ITPR2: variants seen among roughly 807,000 people sequenced by gnomAD.
ITPR2 encodes the protein inositol 1,4,5-trisphosphate-gated calcium channel ITPR2.
A neutral mutation model predicts 317.1 loss-of-function variants in ITPR2; 207 were observed. The observed-to-expected ratio is 0.65, with a 90% CI of 0.58 to 0.73. The LOEUF (loss-of-function observed/expected upper bound fraction) is 0.73, where lower values mean the gene tolerates loss of function less well. Among genes scored for constraint, ITPR2 ranks in the 30% least tolerant of loss-of-function variants. The pLI is 0.00. For missense variants in ITPR2, 2,613 were observed against 3,284.0 expected, an observed-to-expected ratio of 0.80 and a Z score of 4.99; for synonymous variants, 1,156 against 1,149.1, an observed-to-expected ratio of 1.01 and a Z score of -0.12.
chr12:26,827,261 C>G (rs1222298136), intron 1 of ITPR2, among the ~76,000 whole-genome samples: 2 of 151,732 alleles, frequency 1.3e-5, no homozygotes, highest in Non-Finnish European at 2.9e-5. Flanking sequence ...CCCCTTTGCA[C>G]TTACACGGAG....
rs755818563 is a variant in ITPR2, at chr12:26,556,389, C to T, written c.4822-14G>A. On this transcript the variant is annotated splice_polypyrimidine_tract_variant and intron_variant, in intron 35 of 56. Coordinates refer to ENST00000381340, the MANE Select transcript of ITPR2 (RefSeq NM_002223.4). ...GGCCACTACATCCTAGGGAATGAAA[C>T]ACAAGAGAACCCACATGAAGGCGTA... 8.7e-6 allele frequency: 14 copies of T among 1,604,834 alleles called. No individual in the cohort carries two copies. Among genetic ancestry groups the T allele is most frequent in the Non-Finnish European group, 1.2e-5 (14 of 1,177,270 alleles).
At chr12:26,494,012 GAA>G in intron 39 of ITPR2, 139 bp downstream of exon 39, 1 of 588,212 alleles carries the variant, frequency 1.7e-6, no homozygotes, top group Non-Finnish European at 2.8e-6. Context: ...ACAAATTTAA[GAA>G]AAGTGTGATA....
intron 47 of ITPR2, 93 bp from the exon 48 acceptor site, chr12:26,436,439 T>A (rs550512981): frequency 1.8e-6 from 2 of 1,133,880 alleles, no homozygotes; most frequent in Non-Finnish European, 1.3e-6. Flanking sequence ...ACTAAATGCA[T>A]CATTTTTGTA....
chr12:26,811,301 CGTT>C (rs199519273), intron 1 of ITPR2, among the ~76,000 whole-genome samples: 1,535 of 152,280 alleles, frequency 0.01, 25 homozygotes, highest in African/African-American at 0.035. Context: ...GAAGAGGAAA[CGTT>C]GTTCTGCTTT....
intron 37 of ITPR2, among the ~76,000 whole-genome samples, chr12:26,542,078 T>C (rs1369889041): frequency 2.0e-5 from 3 of 152,236 alleles, no homozygotes; most frequent in Non-Finnish European, 4.4e-5. Context: ...CTATGCTATT[T>C]GTTGAAAGCC....
intron 25 of ITPR2, 47 bp downstream of exon 25, chr12:26,622,193 C>T (rs763926154): frequency 5.1e-6 from 8 of 1,553,436 alleles, no homozygotes; most frequent in South Asian, 1.2e-5. Context: ...GTTATTAACA[C>T]TTTCAGAGCT....
intron 48 of ITPR2, among the ~76,000 whole-genome samples, chr12:26,429,534 C>G (rs539030148): frequency 6.6e-6 from 1 of 152,262 alleles, no homozygotes. Context: ...CTGCCCTGAC[C>G]TCACAGATCT....
intron 37 of ITPR2, among the ~76,000 whole-genome samples, chr12:26,533,477 A>G (rs1944000105): frequency 6.6e-6 from 1 of 152,248 alleles, no homozygotes; most frequent in South Asian, 2.1e-4. Flanking sequence ...ACCTTTGCAC[A>G]TCTCATCTAT....
intron 8 of ITPR2, among the ~76,000 whole-genome samples, chr12:26,714,473 T>C (rs1291781171): frequency 6.6e-6 from 1 of 152,118 alleles, no homozygotes; most frequent in Non-Finnish European, 1.5e-5. Context: ...TATTATTTTA[T>C]TATAAAGTAT....
At chr12:26,379,607 C>T (rs1340506991) in intron 55 of ITPR2, among the ~76,000 whole-genome samples, 1 of 152,156 alleles carries the variant, frequency 6.6e-6, no homozygotes, top group African/African-American at 2.4e-5. Context: ...CCCCTATACC[C>T]CTGCAGATTT....
At chr12:26,768,607 T>G (rs78015906) in intron 2 of ITPR2, among the ~76,000 whole-genome samples, 2,334 of 146,642 alleles carry the variant, frequency 0.016, 76 homozygotes, top group African/African-American at 0.056. Context: ...ACCTCCTGTT[T>G]CCTGACTGTT....
intron 28 of ITPR2, among the ~76,000 whole-genome samples, chr12:26,602,134 C>T (rs186904724): frequency 2.5e-4 from 38 of 150,856 alleles, no homozygotes; most frequent in Non-Finnish European, 5.3e-4. Context: ...CGTGTAGGGA[C>T]TAGGTGGCAG....
At chr12:26,502,740 A>G (rs1943098994) in intron 37 of ITPR2, among the ~76,000 whole-genome samples, 1 of 152,194 alleles carries the variant, frequency 6.6e-6, no homozygotes, top group Admixed American at 6.5e-5. Context: ...AAAGAGCAGG[A>G]GATGGAATGA....
intron 45 of ITPR2, among the ~76,000 whole-genome samples, chr12:26,469,185 G>C (rs1942243065): frequency 6.6e-6 from 1 of 152,142 alleles, no homozygotes; most frequent in South Asian, 2.1e-4. Flanking sequence ...CTTCTTGATT[G>C]CATTTTTAGT....
chr12:26,572,719 C>CAAG (rs1348923029), intron 34 of ITPR2, among the ~76,000 whole-genome samples: 1 of 152,080 alleles, frequency 6.6e-6, no homozygotes, highest in East Asian at 1.9e-4. Context: ...GTATGGTTTC[C>CAAG]TTACTTGGGG....
intron 26 of ITPR2, among the ~76,000 whole-genome samples, chr12:26,620,550 T>C (rs1565645816): frequency 6.6e-6 from 1 of 152,350 alleles, no homozygotes; most frequent in East Asian, 1.9e-4. Flanking sequence ...TTTAACATTT[T>C]TTAAGTGGTT....
intron 2 of ITPR2, among the ~76,000 whole-genome samples, chr12:26,768,470 T>G (rs1949771441): frequency 8.0e-6 from 1 of 125,448 alleles, no homozygotes; most frequent in Non-Finnish European, 1.8e-5. Context: ...AAAATAAAAA[T>G]TTTGTGCAAC....
intron 55 of ITPR2, 109 bp from the exon 56 acceptor site, chr12:26,340,437 T>G (rs1188236520): frequency 2.8e-5 from 32 of 1,161,758 alleles, no homozygotes; most frequent in Non-Finnish European, 3.5e-5. Context: ...AGCACTCAAA[T>G]TGGAGAGAGA....
intron 48 of ITPR2, among the ~76,000 whole-genome samples, chr12:26,434,221 C>T (rs548002859): frequency 2.6e-4 from 40 of 152,220 alleles, no homozygotes; most frequent in African/African-American, 8.2e-4. Context: ...AATTACAAGG[C>T]AAATCTTCAG....
Sources: allele counts gnomAD v4.1 joint callset (sites outside exome capture counted in the v4.1 genomes callset), GRCh38; gene constraint gnomAD v4.1.1; transcripts MANE v1.5; gene names NCBI Gene and HGNC (gene_info 2026-07-23, HGNC 2026-07-21).